The following NFATC3 variants were observed in gnomAD, a reference collection of about 807,000 sequenced individuals.
NFATC3 encodes nuclear factor of activated T-cells, cytoplasmic 3.
A neutral mutation model predicts 98.6 loss-of-function variants in NFATC3; 46 were observed. The observed-to-expected ratio is 0.47, with a 90% CI of 0.37 to 0.60. The LOEUF (loss-of-function observed/expected upper bound fraction) is 0.60, where lower values mean the gene tolerates loss of function less well. Among genes scored for constraint, NFATC3 ranks in the 20% least tolerant of loss-of-function variants. The probability of loss-of-function intolerance (pLI) is 0.00; values close to 1 mark genes in which losing one functional copy is unlikely to be tolerated. For missense variants in NFATC3, 1,256 were observed against 1,295.5 expected (o/e 0.97, Z 0.47); for synonymous variants, 512 against 472.2 (o/e 1.08, Z -1.09).
intron 1 of NFATC3, among the ~76,000 whole-genome samples, chr16:68,101,172 T>C (rs2035332776): frequency 6.6e-6 from 1 of 152,108 alleles, no homozygotes; most frequent in Non-Finnish European, 1.5e-5. Context: ...GACACAGTCT[T>C]GCTCGTGTTG....
At position 68,228,642 on chromosome 16, in the gene NFATC3, T is replaced by TA. The variant is rs1170478113; in HGVS notation, c.*2173dup. The TA allele has an allele frequency of 6.6e-6, 1 of 152,662 alleles. No homozygotes were observed. Among genetic ancestry groups the TA allele is most frequent in the African/African-American group, 2.4e-5 (1 of 41,466 alleles). The allele number at this position is 152,662 out of a possible 1,614,324, so 9.5% of individuals were successfully genotyped here. A position where few individuals can be genotyped will look rare whatever the true frequency, so the allele number is the denominator to read the frequency against. On this transcript the variant is annotated 3_prime_UTR_variant, in exon 10 of 10. Coordinates refer to ENST00000346183, the MANE Select transcript of NFATC3 (RefSeq NM_173165.3). Reference sequence around the variant, plus strand: ...ATCAGCTTTGTAAAAGCTTTGGTGTTAAGAGTCAATATTTTTTGGCTTTGT... The same window carrying TA: ...ATCAGCTTTGTAAAAGCTTTGGTGTTAAAGAGTCAATATTTTTTGGCTTTGT...
intron 1 of NFATC3, among the ~76,000 whole-genome samples, chr16:68,102,807 AT>A (rs2035444849): frequency 6.6e-6 from 1 of 152,224 alleles, no homozygotes. Context: ...ATCACTTTAC[AT>A]TGCCACTAGT....
intron 1 of NFATC3, among the ~76,000 whole-genome samples, chr16:68,118,446 A>G (rs1164538131): frequency 6.6e-6 from 1 of 152,206 alleles, no homozygotes; most frequent in African/African-American, 2.4e-5. Flanking sequence ...TAGTTGGTGA[A>G]TGAATGAGCA....
intron 9 of NFATC3, among the ~76,000 whole-genome samples, chr16:68,208,912 A>C (rs1450370704): frequency 6.6e-6 from 1 of 152,198 alleles, no homozygotes; most frequent in Non-Finnish European, 1.5e-5. Flanking sequence ...TGTTTATACT[A>C]TCATGCCATT....
rs1208984382 is a variant in NFATC3 at position 68,220,803 on chromosome 16, C to CAGCT, written c.3107-5545_3107-5542dup. 2.0e-5 allele frequency among the ~76,000 whole-genome samples: 3 copies of CAGCT among 151,076 alleles called. No homozygotes were observed. The East Asian group carries it at 5.9e-4, about 30-fold the overall frequency. On this transcript the variant is annotated intron_variant, in intron 9 of 9. Coordinates refer to ENST00000346183, the MANE Select transcript of NFATC3 (RefSeq NM_173165.3). The stretch of plus-strand genomic sequence containing the variant: ...GCATTGTGGCGGGCGCCTATAGTCC[C>CAGCT]AGCTACTCGGGAGGCTGAGACAAGA...
chr16:68,114,733 C>T (rs7185597), intron 1 of NFATC3, among the ~76,000 whole-genome samples: 7,091 of 151,962 alleles, frequency 0.047, 527 homozygotes, highest in African/African-American at 0.16. Context: ...TGCCACCACG[C>T]CCAGATAATT....
chr16:68,216,110 G>A (rs750937113), intron 9 of NFATC3, among the ~76,000 whole-genome samples: 12 of 152,094 alleles, frequency 7.9e-5, no homozygotes, highest in Admixed American at 5.2e-4. Context: ...AATTGATGCC[G>A]CAAGGTGTTG....
chr16:68,188,638 A>C lies in NFATC3; in HGVS notation c.2099-2130A>C, dbSNP rs372645642. Among the ~76,000 whole-genome samples the C allele has an allele frequency of 2.0e-5, 3 of 152,350 alleles. No individual in the cohort carries two copies. The East Asian group carries it at 5.8e-4, about 29-fold the overall frequency. ...TTTTGGCAATCCCCTTGCAATAGGG[A>C]TCCAACCAATATCAATATCCAGTGA... On this transcript the variant is annotated intron_variant, in intron 8 of 9. Transcript: ENST00000346183.
chr16:68,176,529 A>G (rs1406901423), intron 6 of NFATC3, among the ~76,000 whole-genome samples: 1 of 152,122 alleles, frequency 6.6e-6, no homozygotes, highest in Non-Finnish European at 1.5e-5. Context: ...CTTACTGGAT[A>G]TTTCGATATT....
At chr16:68,102,243 G>A (rs1003419918) in intron 1 of NFATC3, among the ~76,000 whole-genome samples, 1 of 151,550 alleles carries the variant, frequency 6.6e-6, no homozygotes, top group Non-Finnish European at 1.5e-5. Context: ...GTGGTGGTGC[G>A]TGGCTGTAAT....
intron 3 of NFATC3, among the ~76,000 whole-genome samples, chr16:68,153,205 G>A (rs1156517403): frequency 6.6e-6 from 1 of 152,112 alleles, no homozygotes; most frequent in Non-Finnish European, 1.5e-5. Context: ...TGGATCACCT[G>A]AGGCCAGAAG....
chr16:68,086,047 G>C (rs2034352913), intron 1 of NFATC3: 1 of 389,716 alleles, frequency 2.6e-6, no homozygotes, highest in Non-Finnish European at 4.6e-6. Flanking sequence ...TGGAGGCCCA[G>C]GGTCCGGGCT....
intron 8 of NFATC3, among the ~76,000 whole-genome samples, chr16:68,185,974 G>A (rs1028024795): frequency 1.3e-5 from 2 of 152,022 alleles, no homozygotes; most frequent in Non-Finnish European, 2.9e-5. Flanking sequence ...ATTTGGGAAT[G>A]GAAATCAGTA....
intron 9 of NFATC3, chr16:68,217,824 C>T (rs1041655408): frequency 8.1e-7 from 1 of 1,231,042 alleles, no homozygotes; most frequent in East Asian, 3.2e-5. Flanking sequence ...ATACGTACAT[C>T]GCTTTTGCTC....
intron 9 of NFATC3, chr16:68,212,785 CTTT>C (rs534732425): frequency 4.7e-5 from 5 of 106,932 alleles, no homozygotes; most frequent in African/African-American, 1.5e-4. Flanking sequence ...ATTTCTTTCT[CTTT>C]TTTTTTTTTT....
chr16:68,184,998 T>G (rs1048435707), intron 8 of NFATC3, among the ~76,000 whole-genome samples: 26 of 151,894 alleles, frequency 1.7e-4, no homozygotes, highest in Non-Finnish European at 3.4e-4. Flanking sequence ...TTTTTTTTTT[T>G]TGAGAGAGAG....
At chr16:68,108,200 A>G (rs967267392) in intron 1 of NFATC3, among the ~76,000 whole-genome samples, 4 of 152,064 alleles carry the variant, frequency 2.6e-5, no homozygotes, top group African/African-American at 9.7e-5. Flanking sequence ...TAGGGTTTTT[A>G]TAGTTTGGGG....
At chr16:68,090,322 AACAC>A (rs60304758) in intron 1 of NFATC3, among the ~76,000 whole-genome samples, 10 of 125,796 alleles carry the variant, frequency 7.9e-5, no homozygotes, top group Admixed American at 3.2e-4. Context: ...TTTCTTTAAA[AACAC>A]ACACACACAC....
intron 8 of NFATC3, among the ~76,000 whole-genome samples, chr16:68,186,192 A>G (rs1008570496): frequency 1.3e-5 from 2 of 151,942 alleles, no homozygotes; most frequent in African/African-American, 2.4e-5. Context: ...TAAAATTTTT[A>G]CAAAAGTCAG....
Sources: gnomAD v4.1 joint callset for allele counts (sites outside exome capture counted in the v4.1 genomes callset) on GRCh38, gnomAD v4.1.1 for gene constraint, MANE v1.5 for transcripts, NCBI Gene and HGNC (gene_info 2026-07-23, HGNC 2026-07-21) for gene names.